RGS19: variants seen among roughly 807,000 people sequenced by gnomAD.
The protein encoded by RGS19 is regulator of G protein signaling 19.
A neutral mutation model predicts 22.0 loss-of-function variants in RGS19; 9 were observed. The ratio of observed to expected loss-of-function variants is 0.41; its 90% confidence interval spans 0.25 to 0.71. The LOEUF is 0.71. Among genes scored for constraint, RGS19 ranks in the 30% least tolerant of loss-of-function variants. RGS19 has a pLI of 0.32. For missense variants in RGS19, 256 were observed against 307.1 expected (o/e 0.83, Z 1.24); for synonymous variants, 130 against 127.3 (o/e 1.02, Z -0.14).
At chr20:64,074,442 G>C (rs1172085505) in intron 4 of RGS19, 25 bp downstream of exon 4, 4 of 1,577,130 alleles carry the variant, frequency 2.5e-6, no homozygotes, top group Admixed American at 1.8e-5. Context: ...CCCCCAGCAC[G>C]CACACACCAG....
rs768134510 is a variant in RGS19 at position 64,073,893 on chromosome 20, A to G, written c.614T>C (p.Leu205Pro). 6.2e-7 allele frequency: 1 copy of G among 1,613,362 alleles called. No individual in the cohort carries two copies. The highest frequency in any genetic ancestry group is 1.1e-5 in the South Asian group (1 of 91,084). ...RFLSSPTYRA[L>P]LLQGPSQSSS... is the part of the protein sequence containing the mutation. ...GGACTGTGATGGCCCCTGCAGCAGC[A>G]GGGCACGGTAGGTGGGAGAGCTGAG... Residue 205 changes from leucine to proline, a missense_variant, in exon 6 of 6, where the codon CTG becomes CCG. Leu to Pro is a moderately conservative substitution (Grantham distance 98). Transcript: ENST00000395042.
At chr20:64,077,004 T>A in intron 1 of RGS19, 50 bp from the exon 2 acceptor site, 1 of 997,752 alleles carries the variant, frequency 1.0e-6, no homozygotes. Flanking sequence ...CCCCAGCCCC[T>A]GCCTACCCCT....
Position 64,074,520 on chromosome 20 carries a change from C to T in RGS19, c.174G>A (p.Ala58=), listed in dbSNP as rs199947372. The T allele has an allele frequency of 5.1e-4, 793 of 1,564,732 alleles. 2 individuals are homozygous for T. The African/African-American group carries it at 9.2e-3, about 18-fold the overall frequency. ...GCTTGCTCTCCCGGGAGGCCTGCCA[C>T]GCGCGCCGCCGCTCTTGGTTCCTAG... ...SCSWNQERRR[A]WQASRESKLQ... Residue 58 remains alanine (A), a synonymous_variant, in exon 4 of 6, where the codon GCG becomes GCA. Transcript: ENST00000395042.
At position 64,076,554 on chromosome 20, in the gene RGS19, C is replaced by T. The variant is rs771319911; in HGVS notation, c.123G>A (p.Leu41=). ...PAAPSRNPCC[L]CWCCCCSCSW... ...AGCAGCTACAGCAGCAGCACCAGCA[C>T]AGGCAGCAGGGGTTGCGGCTGGGGG... is the stretch of plus-strand genomic sequence containing the variant. The change falls in exon 3 of 6, where the codon CTG becomes CTA. Residue 41 remains leucine (L), a synonymous_variant. Coordinates refer to ENST00000395042, the MANE Select transcript of RGS19 (RefSeq NM_005873.3). The T allele has an allele frequency of 5.6e-6, 9 of 1,612,908 alleles. No homozygotes were observed. The Admixed American group carries it at 1.5e-4, about 27-fold the overall frequency.
In RGS19 at chr20:64,075,814, G is replaced by A. The variant is rs998541913; in HGVS notation, c.152+711C>T. Among the ~76,000 whole-genome samples the A allele has an allele frequency of 6.6e-6, 1 of 151,970 alleles. No individual in the cohort carries two copies. The highest frequency in any genetic ancestry group is 1.5e-5 in the Non-Finnish European group (1 of 67,982). On this transcript the variant is annotated intron_variant, in intron 3 of 5. Transcript: ENST00000395042. The surrounding 1 kb of genome is among the most constrained non-coding windows in gnomAD (Gnocchi z 4.6). ...CCCAGGGCCAGCAGTTCCCTTATTG[G>A]GGTCTCTGTTCAAACGTCCCTCCAC...
At chr20:64,078,952 C>A (rs2059934048) in intron 1 of RGS19, among the ~76,000 whole-genome samples, 1 of 152,128 alleles carries the variant, frequency 6.6e-6, no homozygotes, top group Non-Finnish European at 1.5e-5. Flanking sequence ...CGTCCCAGAG[C>A]CTGCCCAGTC....
chr20:64,077,600 C>T (rs1470615149), intron 1 of RGS19, among the ~76,000 whole-genome samples: 1 of 152,210 alleles, frequency 6.6e-6, no homozygotes, highest in Non-Finnish European at 1.5e-5. Flanking sequence ...TTCCCTCCCT[C>T]CTTGCCCACT....
chr20:64,074,075 G>C, intron 5 of RGS19, 31 bp from the exon 6 acceptor site: 1 of 1,603,674 alleles, frequency 6.2e-7, no homozygotes, highest in Non-Finnish European at 8.5e-7. Context: ...GTCAGGGGGT[G>C]CGGGAGCTGC....
chr20:64,077,095 C>T (rs1015303495), intron 1 of RGS19, 141 bp from the exon 2 acceptor site: 15 of 462,474 alleles, frequency 3.2e-5, no homozygotes, highest in African/African-American at 1.8e-4. Flanking sequence ...GCTTCTACCC[C>T]GACCCCAAGC....
rs745648223 is a variant in RGS19 at position 64,074,061 on chromosome 20, T to C, written c.463-17A>G. The C allele has an allele frequency of 2.5e-5, 40 of 1,606,790 alleles. No homozygotes were observed. The highest frequency in any genetic ancestry group is 6.7e-5 in the East Asian group (3 of 44,734). On this transcript the variant is annotated splice_polypyrimidine_tract_variant and intron_variant, in intron 5 of 5. Coordinates refer to ENST00000395042, the MANE Select transcript of RGS19 (RefSeq NM_005873.3). The stretch of plus-strand genomic sequence containing the variant: ...CAGGCTCACCTGCAGGACAAGACAC[T>C]GAGGTCAGGGGGTGCGGGAGCTGCC...
intron 3 of RGS19, among the ~76,000 whole-genome samples, chr20:64,074,926 C>T (rs1022605844): frequency 6.6e-6 from 1 of 152,110 alleles, no homozygotes; most frequent in African/African-American, 2.4e-5. Flanking sequence ...ACCTCCTCCA[C>T]CCACCCATGC....
intron 3 of RGS19, 44 bp downstream of exon 3, chr20:64,076,481 G>A: frequency 6.2e-7 from 1 of 1,608,486 alleles, no homozygotes; most frequent in African/African-American, 1.3e-5. Flanking sequence ...TTGGCCCCAT[G>A]CCCTCGACCC....
chr20:64,073,904 G>A lies in RGS19; in HGVS notation c.603C>T (p.Thr201=). 3 of 1,613,642 alleles carry A rather than the reference G, an allele frequency of 1.9e-6. No individual in the cohort carries two copies. Among genetic ancestry groups the A allele is most frequent in the South Asian group, 2.2e-5 (2 of 91,090 alleles). ...DSYPRFLSSP[T]YRALLLQGPS... ...GCCCCTGCAGCAGCAGGGCACGGTA[G>A]GTGGGAGAGCTGAGGAAGCGGGGGT... is the stretch of plus-strand genomic sequence containing the variant. Residue 201 remains threonine, a synonymous_variant, in exon 6 of 6, where the codon ACC becomes ACT. Transcript: ENST00000395042.
In RGS19 at chr20:64,073,627, G is replaced by A. The variant is rs2059874150; in HGVS notation, c.*226C>T. 4.1e-6 allele frequency: 2 copies of A among 490,984 alleles called. No homozygotes were observed. Among genetic ancestry groups the A allele is most frequent in the Non-Finnish European group, 7.4e-6 (2 of 271,804 alleles). The allele number at this position is 490,984 out of a possible 1,614,324, so 30.4% of individuals were successfully genotyped here. ...GCTGCGGGCCGATGAGGGGGCTTCT[G>A]GCCCGCCCTGCACCTGGAGGCCCGC... On this transcript the variant is annotated 3_prime_UTR_variant, in exon 6 of 6. Transcript: ENST00000395042.
chr20:64,077,139 TGAG>T, intron 1 of RGS19, 185 bp from the exon 2 acceptor site: 1 of 411,672 alleles, frequency 2.4e-6, no homozygotes, highest in Non-Finnish European at 4.3e-6. Flanking sequence ...CCAGGATCAT[TGAG>T]GAGGGAGCTG....
Position 64,075,425 on chromosome 20 carries a change from TCCA to T in RGS19, c.153-887_153-885del, listed in dbSNP as rs2059897567. ...CAAATCCATACCCGGCTGACCTCTC[TCCA>T]GGGCACTTGGATGGCTGGCAGACAT... On this transcript the variant is annotated intron_variant, in intron 3 of 5. Coordinates refer to ENST00000395042, the MANE Select transcript of RGS19 (RefSeq NM_005873.3). The surrounding 1 kb of genome is among the most constrained non-coding windows in gnomAD (Gnocchi z 4.6). Among the ~76,000 whole-genome samples, 3 of 152,298 alleles carry T rather than the reference TCCA, an allele frequency of 2.0e-5. No individual in the cohort carries two copies. The East Asian group carries it at 5.8e-4, about 29-fold the overall frequency.
intron 1 of RGS19, among the ~76,000 whole-genome samples, chr20:64,078,928 A>C (rs1193027449): frequency 2.0e-5 from 3 of 152,170 alleles, no homozygotes; most frequent in Non-Finnish European, 4.4e-5. Flanking sequence ...TTTGCTCCAC[A>C]GAAGGAAAAA....
chr20:64,076,853 A>G lies in RGS19; in HGVS notation c.30+4T>C. ...GAGCAGAGGCAGAGGGGGAGGTGGC[A>G]TACCTGCTTCTCAGCCTCATGCGGG... On this transcript the variant is annotated splice_donor_region_variant and intron_variant, in intron 2 of 5. Transcript: ENST00000395042. 6.4e-7 allele frequency: 1 copy of G among 1,566,110 alleles called. No individual in the cohort carries two copies. The highest frequency in any genetic ancestry group is 8.6e-7 in the Non-Finnish European group (1 of 1,164,410).
chr20:64,076,993 AC>A (rs1378150718), intron 1 of RGS19, 39 bp from the exon 2 acceptor site: 1 of 1,101,966 alleles, frequency 9.1e-7, no homozygotes, highest in Non-Finnish European at 1.2e-6. Context: ...AGAACCTGAA[AC>A]CCCAGCCCCT....
Sources: gnomAD v4.1 joint callset for allele counts (sites outside exome capture counted in the v4.1 genomes callset) on GRCh38, gnomAD v4.1.1 for gene constraint, Gnocchi (gnomAD v3.1) non-coding constraint, MANE v1.5 for transcripts, NCBI Gene and HGNC (gene_info 2026-07-23, HGNC 2026-07-21) for gene names.